Variants in FOXP2 observed in about 807,000 individuals in gnomAD.
FOXP2 encodes the protein forkhead box P2.
FOXP2 carries 12 observed loss-of-function variants against 115.8 expected under a neutral mutation model. The observed-to-expected ratio is 0.10, with a 90% CI of 0.07 to 0.17. FOXP2 has a LOEUF of 0.17. Among genes scored for constraint, FOXP2 ranks in the 10% least tolerant of loss-of-function variants. FOXP2 has a pLI of 1.00. For synonymous variants in FOXP2, 328 were observed against 297.7 expected (o/e 1.10, Z -1.05); for missense variants, 629 against 843.5 (o/e 0.75, Z 3.15).
chr7:114,431,933 A>G (rs571604144), intron 2 of FOXP2, among the ~76,000 whole-genome samples: 2 of 152,076 alleles, frequency 1.3e-5, no homozygotes, highest in South Asian at 4.2e-4. Context: ...GAACTGAAGG[A>G]AAGAAGTCTG....
At chr7:114,346,505 G>T (rs1408841579) in intron 2 of FOXP2, among the ~76,000 whole-genome samples, 1 of 151,772 alleles carries the variant, frequency 6.6e-6, no homozygotes, top group Non-Finnish European at 1.5e-5. Flanking sequence ...TGTTATTTAT[G>T]ATAGAATACG....
At chr7:114,311,958 G>A (rs2129180162) in intron 2 of FOXP2, among the ~76,000 whole-genome samples, 1 of 152,172 alleles carries the variant, frequency 6.6e-6, no homozygotes, top group East Asian at 1.9e-4. Context: ...TGACACTTGT[G>A]CACCCAGTGT....
intron 2 of FOXP2, among the ~76,000 whole-genome samples, chr7:114,325,013 A>G (rs1797522985): frequency 6.6e-6 from 1 of 151,876 alleles, no homozygotes. Flanking sequence ...GGAGAATGAG[A>G]TATTCATCTC....
intron 1 of FOXP2, among the ~76,000 whole-genome samples, chr7:114,263,096 C>A (rs1187492881): frequency 1.3e-5 from 2 of 152,150 alleles, no homozygotes; most frequent in African/African-American, 4.8e-5. Flanking sequence ...AATTTTCTCC[C>A]AGCTTCCCTG....
At chr7:114,673,755 A>G (rs541184896) in intron 16 of FOXP2, among the ~76,000 whole-genome samples, 160 of 152,110 alleles carry the variant, frequency 1.1e-3, no homozygotes, top group South Asian at 1.9e-3. Flanking sequence ...GCTGGAGTGC[A>G]TTGGCACGAT....
Position 114,196,680 on chromosome 7 carries a change from T to G in FOXP2, c.-102+33592T>G, listed in dbSNP as rs186979420. ...GAACTACTGTCAGAAATGCAAATTTTGGGGAGTCACCCCAACACATTGAAT... is the reference window on the plus strand; with the variant it reads ...GAACTACTGTCAGAAATGCAAATTTGGGGGAGTCACCCCAACACATTGAAT... On this transcript the variant is annotated intron_variant, in intron 1 of 17. Coordinates refer to the FOXP2 transcript ENST00000634411. Among the ~76,000 whole-genome samples the G allele has an allele frequency of 3.8e-4, 58 of 152,292 alleles. 1 individual carries two copies. The East Asian group carries it at 0.011, about 28-fold the overall frequency.
chr7:114,105,065 T>C (rs1036032042), intron 1 of FOXP2, among the ~76,000 whole-genome samples: 3 of 151,960 alleles, frequency 2.0e-5, no homozygotes, highest in Admixed American at 1.3e-4. Flanking sequence ...GAAAACAAAT[T>C]ATATAAAGGA....
intron 2 of FOXP2, among the ~76,000 whole-genome samples, chr7:114,519,434 A>T (rs559084386): frequency 6.6e-6 from 1 of 152,286 alleles, no homozygotes; most frequent in East Asian, 1.9e-4. Context: ...CTGCCAGAGG[A>T]TTCTGGCAGT....
intron 2 of FOXP2, among the ~76,000 whole-genome samples, chr7:114,323,669 G>T (rs541535369): frequency 7.0e-4 from 106 of 152,016 alleles, no homozygotes; most frequent in African/African-American, 2.5e-3. Context: ...TTAGCCATTT[G>T]AAAATAATTG....
chr7:114,609,245 T>C (rs572173701), intron 3 of FOXP2, among the ~76,000 whole-genome samples: 38 of 151,600 alleles, frequency 2.5e-4, no homozygotes, highest in African/African-American at 8.9e-4. Context: ...GAAACCTTTA[T>C]ATATATAGGC....
chr7:114,104,400 C>T (rs1182562464), intron 1 of FOXP2, among the ~76,000 whole-genome samples: 2 of 151,780 alleles, frequency 1.3e-5, no homozygotes, highest in African/African-American at 4.8e-5. Flanking sequence ...GGCTAATTAT[C>T]TATTATGGTC....
chr7:114,395,278 C>T (rs962634017), intron 2 of FOXP2, among the ~76,000 whole-genome samples: 4 of 151,986 alleles, frequency 2.6e-5, no homozygotes, highest in African/African-American at 9.7e-5. Flanking sequence ...GTGGGTCAAC[C>T]CAAAAGGAAG....
chr7:114,682,697 A>T (rs953703317), intron 16 of FOXP2, among the ~76,000 whole-genome samples: 1 of 152,136 alleles, frequency 6.6e-6, no homozygotes, highest in Admixed American at 6.6e-5. Context: ...ACAAGAAGAG[A>T]CTAATTCTCT....
chr7:114,177,138 G>A (rs1793337922), intron 1 of FOXP2, among the ~76,000 whole-genome samples: 1 of 152,032 alleles, frequency 6.6e-6, no homozygotes. Flanking sequence ...TGGCTATTAG[G>A]AATAATACTG....
intron 1 of FOXP2, among the ~76,000 whole-genome samples, chr7:114,144,114 T>G (rs1389026780): frequency 6.6e-6 from 1 of 152,150 alleles, no homozygotes; most frequent in Non-Finnish European, 1.5e-5. Flanking sequence ...ATGTTAAGTG[T>G]CTGAGCATGT....
Position 114,621,389 on chromosome 7 carries a change from A to T in FOXP2, c.259-7151A>T, listed in dbSNP as rs150949713. ...ATGGTTCTTTCACCAAGATGCATAC[A>T]TTACTATTGTTAATTGTAGTAGCAA... On this transcript the variant is annotated intron_variant, in intron 3 of 16. Transcript: ENST00000350908. Among the ~76,000 whole-genome samples the T allele has an allele frequency of 1.8e-4, 27 of 152,198 alleles. No individual in the cohort carries two copies. The East Asian group carries it at 5.2e-3, about 29-fold the overall frequency.
At chr7:114,193,712 A>C (rs1357845651) in intron 1 of FOXP2, among the ~76,000 whole-genome samples, 2 of 152,066 alleles carry the variant, frequency 1.3e-5, no homozygotes, top group African/African-American at 4.8e-5. Flanking sequence ...TCTCAATGGC[A>C]CTACCATTGT....
chr7:114,486,037 G>A (rs1362345525), intron 2 of FOXP2, among the ~76,000 whole-genome samples: 1 of 152,078 alleles, frequency 6.6e-6, no homozygotes, highest in Non-Finnish European at 1.5e-5. Context: ...TCATGAGATA[G>A]CAATGTAGAA....
chr7:114,235,092 CTA>C (rs75920830), intron 1 of FOXP2, among the ~76,000 whole-genome samples: 14,906 of 151,882 alleles, frequency 0.098, 1,311 homozygotes, highest in African/African-American at 0.24. Context: ...GTATTCATTG[CTA>C]TGTCTCATGG....
Sources: gnomAD v4.1 joint callset for allele counts (sites outside exome capture counted in the v4.1 genomes callset) on GRCh38, gnomAD v4.1.1 for gene constraint, MANE v1.5 for transcripts, NCBI Gene and HGNC (gene_info 2026-07-23, HGNC 2026-07-21) for gene names.